The following TMTC2 variants were observed in gnomAD, a reference collection of about 807,000 sequenced individuals.
TMTC2 encodes the protein transmembrane O-mannosyltransferase targeting cadherins 2, also known as protein O-mannosyl-transferase TMTC2.
A neutral mutation model predicts 82.4 loss-of-function variants in TMTC2; 43 were observed. The ratio of observed to expected loss-of-function variants is 0.52; its 90% CI spans 0.41 to 0.67. TMTC2 has a LOEUF of 0.67. Ranked by LOEUF, TMTC2 falls within the 30% of genes least tolerant of loss-of-function variation. The pLI is 0.00. For missense variants in TMTC2, 919 were observed against 1,012.4 expected (o/e 0.91, Z 1.25); for synonymous variants, 408 against 381.9 (o/e 1.07, Z -0.80).
At chr12:82,747,752 T>C (rs1875764467) in intron 1 of TMTC2, among the ~76,000 whole-genome samples, 1 of 152,198 alleles carries the variant, frequency 6.6e-6, no homozygotes, top group Non-Finnish European at 1.5e-5. Flanking sequence ...GAGTAGCTTT[T>C]TTACTTAAAT....
chr12:82,884,855 G>A (rs1327012226), intron 2 of TMTC2, among the ~76,000 whole-genome samples: 1 of 152,016 alleles, frequency 6.6e-6, no homozygotes, highest in Admixed American at 6.5e-5. Context: ...TATTTGTCAT[G>A]TCTCCTTAGA....
At chr12:82,780,659 A>T (rs1283816243) in intron 1 of TMTC2, among the ~76,000 whole-genome samples, 1 of 152,120 alleles carries the variant, frequency 6.6e-6, no homozygotes, top group Non-Finnish European at 1.5e-5. Context: ...AACAACAAAA[A>T]AATGTTTGCG....
chr12:82,991,199 A>G (rs1166767592), intron 8 of TMTC2, among the ~76,000 whole-genome samples: 1 of 152,096 alleles, frequency 6.6e-6, no homozygotes, highest in Non-Finnish European at 1.5e-5. Flanking sequence ...CTGAACTGCC[A>G]TTAATTTTCT....
chr12:82,750,719 A>G (rs1474620955), intron 1 of TMTC2, among the ~76,000 whole-genome samples: 2 of 152,140 alleles, frequency 1.3e-5, no homozygotes, highest in Non-Finnish European at 2.9e-5. Context: ...CTTTATAGGT[A>G]TTATTTTTCT....
Position 82,792,127 on chromosome 12 carries a change from G to A in TMTC2, c.84-64883G>A, listed in dbSNP as rs114634624. On this transcript the variant is annotated intron_variant, in intron 1 of 11. Coordinates refer to ENST00000321196, the MANE Select transcript of TMTC2 (RefSeq NM_152588.3). ...CTTGAGTTAAAATCTGTCGACTGTGGTGTTCAGATGTGTCCACTTTTGCTT... is the reference window on the plus strand; with the variant it reads ...CTTGAGTTAAAATCTGTCGACTGTGATGTTCAGATGTGTCCACTTTTGCTT... Among the ~76,000 whole-genome samples the A allele has an allele frequency of 1.7e-3, 252 of 151,912 alleles. 1 individual carries two copies. The highest frequency in any genetic ancestry group is 5.2e-3 in the African/African-American group (216 of 41,450).
At chr12:82,828,045 A>G (rs1869525756) in intron 1 of TMTC2, among the ~76,000 whole-genome samples, 1 of 151,202 alleles carries the variant, frequency 6.6e-6, no homozygotes, top group Admixed American at 6.6e-5. Context: ...GGCATGCGCC[A>G]CCATGCCCAG....
chr12:82,755,464 G>A (rs532078990), intron 1 of TMTC2, among the ~76,000 whole-genome samples: 6 of 152,270 alleles, frequency 3.9e-5, no homozygotes, highest in East Asian at 1.9e-4. Context: ...AATCAAAATT[G>A]TTCAAATGAA....
intron 1 of TMTC2, among the ~76,000 whole-genome samples, chr12:82,755,667 C>G (rs1876270982): frequency 6.6e-6 from 1 of 152,180 alleles, no homozygotes; most frequent in Non-Finnish European, 1.5e-5. Flanking sequence ...AATACCTGAT[C>G]AGTTAGGCAA....
chr12:83,070,906 C>A (rs1037760177), intron 11 of TMTC2, among the ~76,000 whole-genome samples: 1 of 152,082 alleles, frequency 6.6e-6, no homozygotes, highest in Non-Finnish European at 1.5e-5. Context: ...TGAAGTGATG[C>A]TGGATTTTGT....
chr12:82,955,922 TA>T (rs1877588647), intron 4 of TMTC2, among the ~76,000 whole-genome samples: 1 of 152,130 alleles, frequency 6.6e-6, no homozygotes, highest in Non-Finnish European at 1.5e-5. Flanking sequence ...AGACTGGAAA[TA>T]TTTTTTTTTC....
At chr12:82,817,180 G>A (rs1255035227) in intron 1 of TMTC2, among the ~76,000 whole-genome samples, 2 of 151,636 alleles carry the variant, frequency 1.3e-5, no homozygotes, top group Non-Finnish European at 1.5e-5. Flanking sequence ...TGTTGGCCAC[G>A]CTGGTCTCAA....
chr12:83,052,932 C>G (rs908685225), intron 10 of TMTC2, among the ~76,000 whole-genome samples: 5 of 135,418 alleles, frequency 3.7e-5, no homozygotes, highest in Non-Finnish European at 1.7e-5. Flanking sequence ...CAAGAGTGAC[C>G]ACAGCAGCCT....
In TMTC2 at chr12:82,966,984, G is replaced by A. The variant is rs202119134; in HGVS notation, c.1935G>A (p.Leu645=). ...CAAGGCAGTTTGCCCCACAGAGCTT[G>A]TACAACATGATGGGTAAGTAAAACA... ...KMPRQFAPQS[L]YNMMGEAYMR... is the part of the protein sequence containing the mutation. The change falls in exon 7 of 12, where the codon TTG becomes TTA. Residue 645 remains leucine (L), a synonymous_variant. Coordinates refer to ENST00000321196, the MANE Select transcript of TMTC2 (RefSeq NM_152588.3). 19 of 1,612,714 alleles carry A rather than the reference G, an allele frequency of 1.2e-5. No homozygotes were observed. The highest frequency in any genetic ancestry group is 2.2e-5 in the South Asian group (2 of 91,018).
At chr12:82,733,489 G>A (rs919302770) in intron 1 of TMTC2, among the ~76,000 whole-genome samples, 1 of 152,162 alleles carries the variant, frequency 6.6e-6, no homozygotes, top group Non-Finnish European at 1.5e-5. Flanking sequence ...GCATGTGTAG[G>A]GAGGGTGGGG....
chr12:82,956,484 A>G (rs965113458), intron 4 of TMTC2, among the ~76,000 whole-genome samples: 9 of 152,030 alleles, frequency 5.9e-5, no homozygotes, highest in African/African-American at 1.9e-4. Flanking sequence ...GACAGAGTCA[A>G]TGTCACCCAG....
intron 1 of TMTC2, among the ~76,000 whole-genome samples, chr12:82,783,722 T>C (rs1005597762): frequency 6.6e-6 from 1 of 152,012 alleles, no homozygotes; most frequent in African/African-American, 2.4e-5. Context: ...TCTCCACCAT[T>C]TGAAGGATCC....
intron 1 of TMTC2, among the ~76,000 whole-genome samples, chr12:82,824,191 G>A (rs1261189833): frequency 2.0e-5 from 3 of 152,156 alleles, no homozygotes; most frequent in Non-Finnish European, 4.4e-5. Flanking sequence ...ACCGCGCCTG[G>A]CCTATTCCAT....
chr12:83,106,335 A>C (rs1385394981), intron 11 of TMTC2, among the ~76,000 whole-genome samples: 1 of 152,074 alleles, frequency 6.6e-6, no homozygotes, highest in African/African-American at 2.4e-5. Context: ...CCCCATCTTT[A>C]CTAAAAATAC....
chr12:82,763,819 G>A (rs976647688), intron 1 of TMTC2, among the ~76,000 whole-genome samples: 1 of 152,022 alleles, frequency 6.6e-6, no homozygotes, highest in Non-Finnish European at 1.5e-5. Context: ...GAAACCCAAG[G>A]GACAAATACT....
Sources: allele counts gnomAD v4.1 joint callset (sites outside exome capture counted in the v4.1 genomes callset), GRCh38; gene constraint gnomAD v4.1.1; transcripts MANE v1.5; gene names NCBI Gene and HGNC (gene_info 2026-07-23, HGNC 2026-07-21).